The following PLCL2 variants were observed in gnomAD, a reference collection of about 807,000 sequenced individuals.
PLCL2 encodes phospholipase C like 2, also known as inactive phospholipase C-like protein 2.
A neutral mutation model predicts 79.6 loss-of-function variants in PLCL2; 4 were observed. The observed-to-expected ratio is 0.05, with a 90% confidence interval of 0.02 to 0.11. The LOEUF is 0.11. Ranked by LOEUF, PLCL2 falls within the 10% of genes least tolerant of loss-of-function variation. The pLI is 1.00. For missense variants in PLCL2, 895 were observed against 1,291.0 expected, an observed-to-expected ratio of 0.69 and a Z score of 4.70; for synonymous variants, 484 against 457.7, an observed-to-expected ratio of 1.06 and a Z score of -0.73.
chr3:16,996,126 A>C (rs189555203), intron 1 of PLCL2, among the ~76,000 whole-genome samples: 86 of 152,304 alleles, frequency 5.6e-4, no homozygotes, highest in Non-Finnish European at 2.9e-5. Context: ...AACCTGGAAC[A>C]ATTAGGTGAG....
intron 1 of PLCL2, among the ~76,000 whole-genome samples, chr3:16,931,711 G>A (rs920918613): frequency 6.6e-6 from 1 of 152,108 alleles, no homozygotes; most frequent in Admixed American, 6.5e-5. Context: ...TTAAGGTTCA[G>A]TTTTCTCCCT....
chr3:16,944,940 A>G (rs1422543972), intron 1 of PLCL2, among the ~76,000 whole-genome samples: 1 of 151,874 alleles, frequency 6.6e-6, no homozygotes, highest in Non-Finnish European at 1.5e-5. Context: ...TTGTACTTTT[A>G]GTAGAGACGG....
chr3:17,000,295 G>T (rs1380453567), intron 1 of PLCL2, among the ~76,000 whole-genome samples: 1 of 151,998 alleles, frequency 6.6e-6, no homozygotes, highest in Non-Finnish European at 1.5e-5. Flanking sequence ...ATCTGAACTA[G>T]AATTATCTTG....
At chr3:17,013,683 G>T (rs1214586918) in intron 2 of PLCL2, among the ~76,000 whole-genome samples, 3 of 152,236 alleles carry the variant, frequency 2.0e-5, no homozygotes, top group Non-Finnish European at 4.4e-5. Context: ...TTTGAGAGCA[G>T]AAGGCACAGG....
intron 1 of PLCL2, among the ~76,000 whole-genome samples, chr3:16,983,100 A>T (rs2064016736): frequency 6.6e-6 from 1 of 152,252 alleles, no homozygotes; most frequent in Non-Finnish European, 1.5e-5. Flanking sequence ...AAATCCCACT[A>T]GGTCTAATTT....
At position 17,013,448 on chromosome 3, in the gene PLCL2, C is replaced by G. The variant is rs545618335; in HGVS notation, c.2815-1260C>G. 9.3e-4 allele frequency among the ~76,000 whole-genome samples: 142 copies of G among 152,210 alleles called. 1 individual carries two copies. The highest frequency in any genetic ancestry group is 3.3e-3 in the African/African-American group (137 of 41,518). On this transcript the variant is annotated intron_variant, in intron 2 of 5. Coordinates refer to ENST00000615277, the MANE Select transcript of PLCL2 (RefSeq NM_001144382.2). Reference sequence around the variant, plus strand: ...GAAGGGGAAACAGACAGGAGGCAGGCAGATAAACAAATAGAACAACTGCAG... The same window carrying G: ...GAAGGGGAAACAGACAGGAGGCAGGGAGATAAACAAATAGAACAACTGCAG...
intron 1 of PLCL2, among the ~76,000 whole-genome samples, chr3:16,951,931 G>A (rs1273543421): frequency 3.9e-5 from 6 of 152,068 alleles, no homozygotes; most frequent in African/African-American, 1.2e-4. Flanking sequence ...AAAAATTAAA[G>A]CTTAGTAAAT....
intron 1 of PLCL2, among the ~76,000 whole-genome samples, chr3:16,931,653 C>T (rs534568727): frequency 1.9e-4 from 29 of 152,220 alleles, no homozygotes; most frequent in African/African-American, 5.5e-4. Context: ...GGTTCCAGTT[C>T]GGTTGCTGCC....
chr3:16,999,296 C>CA (rs2064183641), intron 1 of PLCL2, among the ~76,000 whole-genome samples: 1 of 152,140 alleles, frequency 6.6e-6, no homozygotes, highest in South Asian at 2.1e-4. Flanking sequence ...AAACAAGACT[C>CA]AGAGAGGGTG....
At chr3:17,008,319 T>C (rs1189460496) in intron 1 of PLCL2, among the ~76,000 whole-genome samples, 1 of 150,300 alleles carries the variant, frequency 6.7e-6, no homozygotes, top group Non-Finnish European at 1.5e-5. Flanking sequence ...TGATCTAGTA[T>C]GAGACTTTGG....
chr3:17,034,076 T>C (rs2064615123), intron 3 of PLCL2, among the ~76,000 whole-genome samples: 2 of 150,892 alleles, frequency 1.3e-5, no homozygotes, highest in African/African-American at 5.0e-5. Flanking sequence ...GAGGAAAAAA[T>C]AATTGATTCC....
At chr3:17,049,915 T>C (rs1376161360) in intron 4 of PLCL2, among the ~76,000 whole-genome samples, 2 of 152,116 alleles carry the variant, frequency 1.3e-5, no homozygotes, top group African/African-American at 2.4e-5. Context: ...AGGAATCATA[T>C]TACCTGCCTT....
intron 1 of PLCL2, among the ~76,000 whole-genome samples, chr3:16,895,971 G>A (rs1696469716): frequency 6.6e-6 from 1 of 152,196 alleles, no homozygotes; most frequent in South Asian, 2.1e-4. Context: ...GGAAGCAAGG[G>A]TCCTACTGGG....
chr3:16,926,929 A>G (rs1462477113), intron 1 of PLCL2, among the ~76,000 whole-genome samples: 4 of 152,076 alleles, frequency 2.6e-5, no homozygotes, highest in Non-Finnish European at 5.9e-5. Context: ...GCGCCCGGCC[A>G]CATTTTTTTT....
At chr3:16,909,753 C>CT (rs1329980003) in intron 1 of PLCL2, among the ~76,000 whole-genome samples, 1 of 152,150 alleles carries the variant, frequency 6.6e-6, no homozygotes, top group Non-Finnish European at 1.5e-5. Flanking sequence ...ATAATTCTGT[C>CT]TTTTTTGGTT....
intron 5 of PLCL2, among the ~76,000 whole-genome samples, chr3:17,077,837 A>G (rs1000103073): frequency 2.0e-5 from 3 of 152,140 alleles, no homozygotes; most frequent in African/African-American, 7.2e-5. Context: ...GCCTCATGAC[A>G]ATAGCAAGCT....
chr3:16,973,626 A>G (rs1417019118), intron 1 of PLCL2, among the ~76,000 whole-genome samples: 3 of 152,236 alleles, frequency 2.0e-5, no homozygotes, highest in African/African-American at 2.4e-5. Flanking sequence ...CAGTGTGATC[A>G]GGAAGAATCA....
intron 1 of PLCL2, among the ~76,000 whole-genome samples, chr3:16,918,662 C>T (rs1339932581): frequency 6.6e-6 from 1 of 152,024 alleles, no homozygotes; most frequent in Non-Finnish European, 1.5e-5. Context: ...GTAGAATTAC[C>T]ATAACTTTAT....
At chr3:17,036,841 CTG>C (rs1476842674) in intron 3 of PLCL2, among the ~76,000 whole-genome samples, 1 of 152,334 alleles carries the variant, frequency 6.6e-6, no homozygotes, top group East Asian at 1.9e-4. Flanking sequence ...GGCTCAGTAT[CTG>C]GTGAAGGTCT....
Sources: allele counts gnomAD v4.1 joint callset (sites outside exome capture counted in the v4.1 genomes callset), GRCh38; gene constraint gnomAD v4.1.1; transcripts MANE v1.5; gene names NCBI Gene and HGNC (gene_info 2026-07-23, HGNC 2026-07-21).